Variants in STK39 observed in about 807,000 individuals in gnomAD.
STK39 encodes the protein STE20/SPS1-related proline-alanine-rich protein kinase.
STK39 carries 20 observed loss-of-function variants against 77.8 expected under a neutral mutation model. That is an observed-to-expected ratio of 0.26 (90% CI 0.18 to 0.37). The LOEUF (loss-of-function observed/expected upper bound fraction) is 0.37. STK39 is among the 10% of genes least tolerant of loss of function. The pLI is 1.00. For synonymous variants in STK39, 246 were observed against 234.1 expected (o/e 1.05, Z -0.47); for missense variants, 479 against 656.5 (o/e 0.73, Z 2.95).
At chr2:167,966,165 C>A (rs1207829559) in intron 16 of STK39, among the ~76,000 whole-genome samples, 2 of 152,102 alleles carry the variant, frequency 1.3e-5, no homozygotes, top group East Asian at 1.9e-4. Context: ...TCGGGTACAC[C>A]CCAGGGCACC....
At chr2:168,076,415 T>C (rs937939199) in intron 10 of STK39, among the ~76,000 whole-genome samples, 5 of 152,214 alleles carry the variant, frequency 3.3e-5, no homozygotes, top group Non-Finnish European at 5.9e-5. Flanking sequence ...TAATAGACAC[T>C]ATTTAGTTGC....
At chr2:167,997,467 C>T (rs1683876241) in intron 16 of STK39, among the ~76,000 whole-genome samples, 1 of 152,140 alleles carries the variant, frequency 6.6e-6, no homozygotes, top group African/African-American at 2.4e-5. Context: ...TTCATGTAAT[C>T]CAGTAATTCT....
chr2:168,017,149 A>C, intron 14 of STK39, 54 bp from the exon 15 acceptor site: 1 of 1,265,370 alleles, frequency 7.9e-7, no homozygotes, highest in Non-Finnish European at 1.1e-6. Context: ...AGTTTAGTCG[A>C]ACTACATGTA....
chr2:168,159,805 T>A (rs951756887), intron 5 of STK39, among the ~76,000 whole-genome samples: 3 of 152,184 alleles, frequency 2.0e-5, no homozygotes, highest in Non-Finnish European at 4.4e-5. Flanking sequence ...CCCGGATGGC[T>A]GGAACACAAA....
chr2:168,121,274 G>T (rs1280132861), intron 10 of STK39, among the ~76,000 whole-genome samples: 1 of 152,202 alleles, frequency 6.6e-6, no homozygotes, highest in African/African-American at 2.4e-5. Context: ...TGTAAAGTGT[G>T]ACAGTAACAC....
At chr2:167,997,018 C>T (rs1644439115) in intron 16 of STK39, among the ~76,000 whole-genome samples, 1 of 150,346 alleles carries the variant, frequency 6.7e-6, no homozygotes, top group Non-Finnish European at 1.5e-5. Flanking sequence ...TACCTCCAGG[C>T]TCACTATAAG....
intron 16 of STK39, among the ~76,000 whole-genome samples, chr2:167,980,115 A>C (rs1683374903): frequency 6.6e-6 from 1 of 152,208 alleles, no homozygotes; most frequent in Admixed American, 6.5e-5. Context: ...ACAAATTAAA[A>C]CAGTGGGCCA....
chr2:168,038,585 G>T (rs1072542), intron 14 of STK39, among the ~76,000 whole-genome samples: 2 of 152,036 alleles, frequency 1.3e-5, no homozygotes, highest in Admixed American at 1.3e-4. Context: ...TTTTTATCAA[G>T]ATTTAAAACT....
chr2:168,009,056 T>A (rs555978220), intron 16 of STK39, among the ~76,000 whole-genome samples: 67 of 151,736 alleles, frequency 4.4e-4, no homozygotes, highest in African/African-American at 1.5e-3. Flanking sequence ...TTGAGTGGAG[T>A]AGGAAGGTCA....
At chr2:168,097,742 A>AC (rs199735799) in intron 10 of STK39, among the ~76,000 whole-genome samples, 2 of 54,434 alleles carry the variant, frequency 3.7e-5, no homozygotes, top group Admixed American at 1.9e-4. Flanking sequence ...TCAAAAACAA[A>AC]AAAAAAAAAA....
intron 2 of STK39, among the ~76,000 whole-genome samples, chr2:168,173,044 A>T (rs1688867004): frequency 6.6e-6 from 1 of 152,194 alleles, no homozygotes; most frequent in Non-Finnish European, 1.5e-5. Context: ...TCTAATGTGC[A>T]GCCACAGCTT....
In STK39 at chr2:168,083,089, T is replaced by C. The variant is rs537455938; in HGVS notation, c.1090-7858A>G. 3.9e-5 allele frequency among the ~76,000 whole-genome samples: 6 copies of C among 152,344 alleles called. No homozygotes were observed. The East Asian group carries it at 9.6e-4, about 24-fold the overall frequency. ...ATTTATAATCCAGCCCCAAATTATT[T>C]ATTTGTTTATATATTTTCTACCACA... On this transcript the variant is annotated intron_variant, in intron 10 of 17. Transcript: ENST00000355999.
At chr2:168,103,517 C>T (rs1686890244) in intron 10 of STK39, among the ~76,000 whole-genome samples, 1 of 152,132 alleles carries the variant, frequency 6.6e-6, no homozygotes, top group South Asian at 2.1e-4. Flanking sequence ...CTTTTATATT[C>T]TAAATTACAC....
intron 16 of STK39, among the ~76,000 whole-genome samples, chr2:167,973,315 G>T (rs2105255305): frequency 6.6e-6 from 1 of 152,252 alleles, no homozygotes; most frequent in Non-Finnish European, 1.5e-5. Flanking sequence ...CTGCTTCTTA[G>T]GCTTTTGAAA....
intron 14 of STK39, among the ~76,000 whole-genome samples, chr2:168,048,986 T>C (rs114374827): frequency 0.01 from 1,531 of 152,328 alleles, 33 homozygotes; most frequent in African/African-American, 0.035. Flanking sequence ...ATTGACGAGA[T>C]GGTTTTCATC....
chr2:168,081,431 C>T (rs1340906068), intron 10 of STK39, among the ~76,000 whole-genome samples: 1 of 152,150 alleles, frequency 6.6e-6, no homozygotes, highest in African/African-American at 2.4e-5. Context: ...GCCAATTTCT[C>T]CCATTTGGAA....
chr2:168,063,709 G>C (rs956765407), intron 13 of STK39, 139 bp from the exon 14 acceptor site: 4 of 675,662 alleles, frequency 5.9e-6, no homozygotes, highest in Non-Finnish European at 1.0e-5. Flanking sequence ...GGCCTTCTTT[G>C]GCATCGTAAC....
intron 16 of STK39, among the ~76,000 whole-genome samples, chr2:168,010,373 GAATTGGT>G (rs146435042): frequency 0.1 from 15,275 of 152,030 alleles, 2,560 homozygotes; most frequent in African/African-American, 0.35. Context: ...CTTCATCAAG[GAATTGGT>G]AATTGGTAGG....
chr2:168,063,379 C>T lies in STK39; in HGVS notation c.1376+121G>A, dbSNP rs558322587. ...GGGAATACAGCATACACTCATGGTT[C>T]GGGGAAATCAAATAAGCTAACGATT... On this transcript the variant is annotated intron_variant, in intron 14 of 17. Transcript: ENST00000355999. 629 of 853,324 alleles carry T rather than the reference C, an allele frequency of 7.4e-4. 3 individuals are homozygous for T. Among genetic ancestry groups the T allele is most frequent in the South Asian group, 1.5e-3 (84 of 56,824 alleles). The allele number at this position is 853,324 out of a possible 1,614,324, so 52.9% of individuals were successfully genotyped here.
Sources: gnomAD v4.1 joint callset for allele counts (sites outside exome capture counted in the v4.1 genomes callset) on GRCh38, gnomAD v4.1.1 for gene constraint, MANE v1.5 for transcripts, NCBI Gene and HGNC (gene_info 2026-07-23, HGNC 2026-07-21) for gene names.